ITPRID1: variants seen among roughly 807,000 people sequenced by gnomAD.
The protein encoded by ITPRID1 is protein ITPRID1.
A neutral mutation model predicts 95.4 loss-of-function variants in ITPRID1; 96 were observed. The ratio of observed to expected loss-of-function variants is 1.01; its 90% CI spans 0.85 to 1.19. The LOEUF (loss-of-function observed/expected upper bound fraction) is 1.19, where lower values mean the gene tolerates loss of function less well. Ranked by LOEUF, ITPRID1 falls within the 50% of genes most tolerant of loss-of-function variation. The probability of loss-of-function intolerance (pLI) is 0.00; values close to 1 mark genes in which losing one functional copy is unlikely to be tolerated. For synonymous variants in ITPRID1, 510 were observed against 453.6 expected, an observed-to-expected ratio of 1.12 and a Z score of -1.58; for missense variants, 1,339 against 1,252.9, an observed-to-expected ratio of 1.07 and a Z score of -1.04.
At chr7:31,534,062 C>T (rs181902141) in intron 1 of ITPRID1, among the ~76,000 whole-genome samples, 3 of 152,142 alleles carry the variant, frequency 2.0e-5, no homozygotes, top group Non-Finnish European at 2.9e-5. Context: ...ACTGCACATG[C>T]GAGGGATCTA....
chr7:31,549,454 C>T lies in ITPRID1; in HGVS notation c.-69C>T. The T allele has an allele frequency of 6.6e-7, 1 of 1,516,358 alleles. No individual in the cohort carries two copies. The highest frequency in any genetic ancestry group is 8.8e-7 in the Non-Finnish European group (1 of 1,139,142). 93.9% of individuals were successfully genotyped at this position (1,516,358 alleles called of 1,614,324 possible). A position where few individuals can be genotyped will look rare whatever the true frequency, so the allele number is the denominator to read the frequency against. ...CTGACAGGATAAGGACAAGAAGCAACACACAGAAGAGAAGGAAAAAGAAAG... is the reference window on the plus strand; with the variant it reads ...CTGACAGGATAAGGACAAGAAGCAATACACAGAAGAGAAGGAAAAAGAAAG... On this transcript the variant is annotated 5_prime_UTR_variant, in exon 2 of 15. Transcript: ENST00000615280.
chr7:31,597,384 G>T (rs941967648), intron 10 of ITPRID1, among the ~76,000 whole-genome samples: 1 of 151,800 alleles, frequency 6.6e-6, no homozygotes, highest in African/African-American at 2.4e-5. Context: ...AGTGACAGGT[G>T]TATTAGTAGA....
chr7:31,569,686 A>G lies in ITPRID1; in HGVS notation c.257-72A>G, dbSNP rs566044403. On this transcript the variant is annotated intron_variant, in intron 5 of 14. Coordinates refer to ENST00000615280, the MANE Select transcript of ITPRID1 (RefSeq NM_001257967.3). ...GGAAATTCAATTCTACCTTGGTTTC[A>G]TTTGGGGTTGAGAAAATCTTCCGCA... 28 of 1,364,000 alleles carry G rather than the reference A, an allele frequency of 2.1e-5. No individual in the cohort carries two copies. In the African/African-American group the frequency reaches 3.2e-4, roughly 15 times the overall value. 84.5% of individuals were successfully genotyped at this position (1,364,000 alleles called of 1,614,324 possible).
At chr7:31,531,027 T>G (rs13228811) in intron 1 of ITPRID1, among the ~76,000 whole-genome samples, 88,563 of 151,880 alleles carry the variant, frequency 0.58, 26,864 homozygotes, top group Middle Eastern at 0.71. Context: ...CTGGAGTAGG[T>G]CTGGGAAAAC....
intron 10 of ITPRID1, among the ~76,000 whole-genome samples, chr7:31,622,034 C>G (rs1325257042): frequency 7.1e-6 from 1 of 141,612 alleles, no homozygotes; most frequent in Non-Finnish European, 1.5e-5. Flanking sequence ...GTAAAGGGAT[C>G]AATTCAACAA....
chr7:31,616,380 T>C (rs2128168811), intron 10 of ITPRID1, among the ~76,000 whole-genome samples: 1 of 151,668 alleles, frequency 6.6e-6, no homozygotes, highest in Non-Finnish European at 1.5e-5. Flanking sequence ...AATGTGCAGG[T>C]CTTAGAGTTT....
intron 1 of ITPRID1, chr7:31,517,383 C>G (rs1035305004): frequency 6.6e-6 from 1 of 152,472 alleles, no homozygotes; most frequent in African/African-American, 2.4e-5. Context: ...GAAACCCAGC[C>G]GGCTTCACCT....
chr7:31,594,646 C>T (rs1786001807), intron 10 of ITPRID1, among the ~76,000 whole-genome samples: 1 of 152,000 alleles, frequency 6.6e-6, no homozygotes, highest in Admixed American at 6.6e-5. Context: ...CACCTGAGGT[C>T]AGAAGTTTGA....
intron 10 of ITPRID1, among the ~76,000 whole-genome samples, chr7:31,625,396 G>A (rs1413869550): frequency 1.3e-5 from 2 of 152,038 alleles, no homozygotes; most frequent in Admixed American, 1.3e-4. Context: ...TGATAGACTG[G>A]ATTAAGAAAA....
chr7:31,631,423 C>T (rs1280277482), intron 10 of ITPRID1, among the ~76,000 whole-genome samples: 1 of 152,006 alleles, frequency 6.6e-6, no homozygotes, highest in Non-Finnish European at 1.5e-5. Flanking sequence ...AACAAAATGC[C>T]CTAAATACAT....
At chr7:31,553,223 C>G (rs375172768) in intron 3 of ITPRID1, 36 bp downstream of exon 3, 1 of 1,527,786 alleles carries the variant, frequency 6.5e-7, no homozygotes, top group South Asian at 1.2e-5. Flanking sequence ...GAAAACATTC[C>G]TCTGTGAGTG....
At chr7:31,588,242 A>G (rs1396979774) in intron 10 of ITPRID1, among the ~76,000 whole-genome samples, 3 of 152,142 alleles carry the variant, frequency 2.0e-5, no homozygotes, top group Non-Finnish European at 4.4e-5. Flanking sequence ...AACACATAGA[A>G]GGAAGGAATG....
downstream of ITPRID1, chr7:31,658,197 T>C: frequency 7.5e-7 from 1 of 1,337,802 alleles, no homozygotes. Context: ...TATTCGTTTT[T>C]TAGCCCACAG....
At chr7:31,517,929 G>A (rs919365447) in intron 1 of ITPRID1, 1 of 152,324 alleles carries the variant, frequency 6.6e-6, no homozygotes, top group Non-Finnish European at 1.5e-5. Context: ...ATGGGTGTAT[G>A]GTAGACAGAA....
intron 1 of ITPRID1, among the ~76,000 whole-genome samples, chr7:31,539,526 T>G (rs912101270): frequency 6.6e-6 from 1 of 152,198 alleles, no homozygotes; most frequent in Non-Finnish European, 1.5e-5. Context: ...AGAGCACAAC[T>G]GATAGATCAT....
In ITPRID1 at chr7:31,643,297, A is replaced by G. The variant is rs1790191776; in HGVS notation, c.1927A>G (p.Ile643Val). ...LLVPESSSQC[I>V]PKHSEITPYA... ...CGTACCAGAAAGCTCATCACAGTGT[A>G]TCCCCAAGCACAGTGAAATCACACC... Residue 643 changes from isoleucine (I) to valine (V), a missense_variant, in exon 12 of 15, where the codon ATC (isoleucine) becomes GTC (valine). Transcript: ENST00000615280. 1.9e-6 allele frequency: 3 copies of G among 1,613,798 alleles called. No homozygotes were observed. Among genetic ancestry groups the G allele is most frequent in the African/African-American group, 2.7e-5 (2 of 74,930 alleles).
chr7:31,612,314 G>C (rs560454390), intron 10 of ITPRID1, among the ~76,000 whole-genome samples: 48 of 152,096 alleles, frequency 3.2e-4, no homozygotes, highest in Admixed American at 2.6e-3. Context: ...TGTCTAGTGA[G>C]AACAACATTT....
At chr7:31,540,938 C>T (rs1190665155) in intron 1 of ITPRID1, among the ~76,000 whole-genome samples, 3 of 152,202 alleles carry the variant, frequency 2.0e-5, no homozygotes, top group Non-Finnish European at 2.9e-5. Context: ...AAGGAAAGCA[C>T]ACCATTCCAG....
chr7:31,631,621 G>T (rs1040557498), intron 10 of ITPRID1, among the ~76,000 whole-genome samples: 24 of 152,214 alleles, frequency 1.6e-4, no homozygotes, highest in African/African-American at 5.5e-4. Flanking sequence ...ATGAAGGAAG[G>T]TTATTTTGAC....
Sources: allele counts gnomAD v4.1 joint callset (sites outside exome capture counted in the v4.1 genomes callset), GRCh38; gene constraint gnomAD v4.1.1; transcripts MANE v1.5; gene names NCBI Gene and HGNC (gene_info 2026-07-23, HGNC 2026-07-21).